LPL: variants seen among roughly 807,000 people sequenced by gnomAD.
The protein encoded by LPL is phospholipase A1.
Under a neutral mutation model 52.2 loss-of-function variants are expected in LPL, and 43 were observed. That is an observed-to-expected ratio of 0.82 (90% CI 0.64 to 1.06). The LOEUF (loss-of-function observed/expected upper bound fraction) is 1.06. Among genes scored for constraint, LPL ranks in the 50% least tolerant of loss-of-function variants. The pLI, the probability that LPL is intolerant of heterozygous loss-of-function variation, is 0.00. For missense variants in LPL, 639 were observed against 585.3 expected (o/e 1.09, Z -0.95); for synonymous variants, 244 against 215.6 (o/e 1.13, Z -1.15).
intron 1 of LPL, among the ~76,000 whole-genome samples, chr8:19,940,028 G>C (rs2069818489): frequency 6.6e-6 from 1 of 152,192 alleles, no homozygotes; most frequent in Non-Finnish European, 1.5e-5. Flanking sequence ...TGGGGAAGCC[G>C]GGGCGCGGGG....
intron 9 of LPL, among the ~76,000 whole-genome samples, chr8:19,964,583 G>GT (rs2070069150): frequency 6.6e-6 from 1 of 152,148 alleles, no homozygotes; most frequent in South Asian, 2.1e-4. Flanking sequence ...AGGCTAGAAT[G>GT]TGGTGGCGTG....
rs1372917390 is a variant in LPL at position 19,950,064 on chromosome 8, C to T, written c.250-1705C>T. On this transcript the variant is annotated intron_variant, in intron 2 of 9. Coordinates refer to ENST00000650287, the MANE Select transcript of LPL (RefSeq NM_000237.3). This position sits in a 1 kb window ranked among gnomAD's most constrained non-coding sequence, Gnocchi z 4.2. ...TCACTAAGCCCACCTGTATCTTTCA[C>T]ATCATGTGTCCTGACATTTTGAGTG... is the stretch of plus-strand genomic sequence containing the variant. Among the ~76,000 whole-genome samples the T allele has an allele frequency of 6.6e-6, 1 of 152,210 alleles. No individual in the cohort carries two copies. Among genetic ancestry groups the T allele is most frequent in the East Asian group, 1.9e-4 (1 of 5,186 alleles).
intron 6 of LPL, among the ~76,000 whole-genome samples, chr8:19,956,544 T>C (rs2069987699): frequency 6.6e-6 from 1 of 152,218 alleles, no homozygotes; most frequent in South Asian, 2.1e-4. Context: ...TTGTCCAGAA[T>C]ATTCCATCAC....
Position 19,966,858 on chromosome 8 carries a change from G to C in LPL, c.*1548G>C, listed in dbSNP as rs998824255. ...AAAATAAAATGATGTATGATTTGTTGTTGGCATCCCCTTTATTAATTCATT... is the reference window on the plus strand; with the variant it reads ...AAAATAAAATGATGTATGATTTGTTCTTGGCATCCCCTTTATTAATTCATT... On this transcript the variant is annotated 3_prime_UTR_variant, in exon 10 of 10. Transcript: ENST00000650287. The C allele has an allele frequency of 1.3e-5, 2 of 152,418 alleles. No individual in the cohort carries two copies. Among genetic ancestry groups the C allele is most frequent in the African/African-American group, 4.8e-5 (2 of 41,436 alleles). The allele number at this position is 152,418 out of a possible 1,614,324, so 9.4% of individuals were successfully genotyped here. A position where few individuals can be genotyped will look rare whatever the true frequency, so the allele number is the denominator to read the frequency against.
intron 9 of LPL, among the ~76,000 whole-genome samples, chr8:19,962,700 C>T (rs1313734133): frequency 6.6e-6 from 1 of 152,176 alleles, no homozygotes; most frequent in Non-Finnish European, 1.5e-5. Flanking sequence ...CAGCATACTC[C>T]GGGACACACA....
At chr8:19,941,767 C>T (rs902634466) in intron 1 of LPL, among the ~76,000 whole-genome samples, 10 of 152,106 alleles carry the variant, frequency 6.6e-5, no homozygotes, top group African/African-American at 1.9e-4. Context: ...AAGATGTCAC[C>T]GTGGTAGAAA....
In LPL at chr8:19,955,903, T is replaced by C. The variant is rs1590144457; in HGVS notation, c.838T>C (p.Leu280=). ...CATTCATCTCTTCATCGACTCTCTG[T>C]TGAATGAAGAAAATCCAAGTAAGGC... The part of the protein sequence containing the change: ...RSIHLFIDSL[L]NEENPSKAYR... The change falls in exon 6 of 10, where the codon TTG becomes CTG. Residue 280 remains leucine, a synonymous_variant. Coordinates refer to ENST00000650287, the MANE Select transcript of LPL (RefSeq NM_000237.3). 8 of 1,614,146 alleles carry C rather than the reference T, an allele frequency of 5.0e-6. No homozygotes were observed. Among genetic ancestry groups the C allele is most frequent in the Non-Finnish European group, 5.9e-6 (7 of 1,180,002 alleles).
chr8:19,959,338 T>C lies in LPL; in HGVS notation c.1097T>C (p.Leu366Pro), dbSNP rs904610082. 2 of 1,614,206 alleles carry C rather than the reference T, an allele frequency of 1.2e-6. No homozygotes were observed. Among genetic ancestry groups the C allele is most frequent in the South Asian group, 1.1e-5 (1 of 91,088 alleles). ...ACCAATCAGGCCTTTGAGATTTCTC[T>C]GTATGGCACCGTGGCCGAGAGTGAG... ...THTNQAFEIS[L>P]YGTVAESENI... Residue 366 changes from leucine to proline, a missense_variant, in exon 7 of 10, where the codon CTG becomes CCG. Leu to Pro is a moderately conservative substitution (Grantham distance 98). Transcript: ENST00000650287.
rs187879949 is a variant in LPL, at chr8:19,942,349, A to G, written c.88+2821A>G. On this transcript the variant is annotated intron_variant, in intron 1 of 9. Transcript: ENST00000650287. ...ATATGAAGATGTTCCAGCCATCAAA[A>G]TGATGGTTGGTGATGATTTTGGATC... Among the ~76,000 whole-genome samples the G allele has an allele frequency of 5.3e-5, 8 of 152,324 alleles. No homozygotes were observed. In the East Asian group the frequency reaches 1.5e-3, roughly 29 times the overall value.
rs758248912 is a variant in LPL at position 19,962,234 on chromosome 8, C to T, written c.1427+15C>T. Reference sequence around the variant, plus strand: ...AAGTCAGGCTGGTGAGCATTCTGGGCTAAAGCTGACTGGGCATCCTGAGCT... The same window carrying T: ...AAGTCAGGCTGGTGAGCATTCTGGGTTAAAGCTGACTGGGCATCCTGAGCT... On this transcript the variant is annotated intron_variant, in intron 9 of 9. Coordinates refer to ENST00000650287, the MANE Select transcript of LPL (RefSeq NM_000237.3). 3 of 1,597,296 alleles carry T rather than the reference C, an allele frequency of 1.9e-6. No homozygotes were observed. The highest frequency in any genetic ancestry group is 2.6e-6 in the Non-Finnish European group (3 of 1,164,880).
chr8:19,940,187 G>C (rs930497652), intron 1 of LPL, among the ~76,000 whole-genome samples: 3 of 152,224 alleles, frequency 2.0e-5, no homozygotes, highest in Non-Finnish European at 4.4e-5. Context: ...GCTCTGGGGA[G>C]CCCCGGACTC....
rs1590140391 is a variant in LPL at position 19,950,030 on chromosome 8, C to T, written c.249+1690C>T. Among the ~76,000 whole-genome samples, 1 of 152,174 alleles carries T rather than the reference C, an allele frequency of 6.6e-6. No homozygotes were observed. Among genetic ancestry groups the T allele is most frequent in the African/African-American group, 2.4e-5 (1 of 41,440 alleles). ...GACGGTGCCACTTCCTATCATTGGT[C>T]CTACTGCCTCACTAAGCCCACCTGT... On this transcript the variant is annotated intron_variant, in intron 2 of 9. Coordinates refer to ENST00000650287, the MANE Select transcript of LPL (RefSeq NM_000237.3). The surrounding 1 kb of genome is among the most constrained non-coding windows in gnomAD (Gnocchi z 4.2).
rs1801177 is a variant in LPL at position 19,948,197 on chromosome 8, G to C, written c.106G>C (p.Asp36His). 32 of 1,613,800 alleles carry C rather than the reference G, an allele frequency of 2.0e-5. No individual in the cohort carries two copies. The highest frequency in any genetic ancestry group is 2.4e-5 in the Non-Finnish European group (28 of 1,179,982). ...CTTTCCAGAAAGAAGAGATTTTATCGACATCGAAAGTAAATTTGCCCTAAG... is the reference window on the plus strand; with the variant it reads ...CTTTCCAGAAAGAAGAGATTTTATCCACATCGAAAGTAAATTTGCCCTAAG... Reference protein sequence around the residue: ...AAADQRRDFIDIESKFALRTP... With the variant: ...AAADQRRDFIHIESKFALRTP... Residue 36 changes from aspartate to histidine, a missense_variant, in exon 2 of 10, where the codon GAC becomes CAC. Asp to His is a moderately conservative substitution (Grantham distance 81). Transcript: ENST00000650287.
Position 19,965,758 on chromosome 8 carries a change from C to A in LPL, c.*448C>A, listed in dbSNP as rs191212278. 3 of 155,178 alleles carry A rather than the reference C, an allele frequency of 1.9e-5. No homozygotes were observed. The highest frequency in any genetic ancestry group is 2.8e-5 in the Non-Finnish European group (2 of 70,500). 9.6% of individuals were successfully genotyped at this position (155,178 alleles called of 1,614,324 possible). On this transcript the variant is annotated 3_prime_UTR_variant, in exon 10 of 10. Coordinates refer to ENST00000650287, the MANE Select transcript of LPL (RefSeq NM_000237.3). ...TCCAAGAATACAGAAAATGCTTTTC[C>A]GCGGCACGAATCAGACTCATCTACA...
chr8:19,954,349 T>C lies in LPL; in HGVS notation c.771T>C (p.Leu257=). The part of the protein sequence containing the change: ...EAIRVIAERG[L]GDVDQLVKCS... Reference sequence around the variant, plus strand: ...TCCGCGTGATTGCAGAGAGAGGACTTGGAGGTAAATATTATTTAGAAGCGA... The same window carrying C: ...TCCGCGTGATTGCAGAGAGAGGACTCGGAGGTAAATATTATTTAGAAGCGA... The change falls in exon 5 of 10, where the codon CTT becomes CTC. Residue 257 remains leucine, a synonymous_variant. Coordinates refer to ENST00000650287, the MANE Select transcript of LPL (RefSeq NM_000237.3). The C allele has an allele frequency of 6.2e-7, 1 of 1,612,900 alleles. No individual in the cohort carries two copies. The highest frequency in any genetic ancestry group is 1.1e-5 in the South Asian group (1 of 91,064).
In LPL at chr8:19,939,513, G is replaced by C; in HGVS notation, c.73G>C (p.Val25Leu). Reference sequence around the variant, plus strand: ...GAGTCTGACCGCCTCCCGCGGAGGGGTGGCCGCCGCCGACCGTAAGTTTTG... The same window carrying C: ...GAGTCTGACCGCCTCCCGCGGAGGGCTGGCCGCCGCCGACCGTAAGTTTTG... ...LQSLTASRGGVAAADQRRDFI... is the reference protein window; with the variant it reads ...LQSLTASRGGLAAADQRRDFI... The change falls in exon 1 of 10, where the codon GTG becomes CTG. Residue 25 changes from valine (V) to leucine (L), a missense_variant. Transcript: ENST00000650287. The surrounding 1 kb of genome is among the most constrained non-coding windows in gnomAD (Gnocchi z 4.0). The C allele has an allele frequency of 6.2e-7, 1 of 1,608,952 alleles. No homozygotes were observed. The highest frequency in any genetic ancestry group is 8.5e-7 in the Non-Finnish European group (1 of 1,178,386).
At chr8:19,951,188 T>A (rs2069931220) in intron 2 of LPL, among the ~76,000 whole-genome samples, 1 of 152,266 alleles carries the variant, frequency 6.6e-6, no homozygotes, top group Admixed American at 6.5e-5. Flanking sequence ...ATCTTGGAGC[T>A]TTGCCACTTG....
In LPL at chr8:19,939,259, C is replaced by G. The variant is rs2069806978; in HGVS notation, c.-182C>G. On this transcript the variant is annotated 5_prime_UTR_variant, in exon 1 of 10. Transcript: ENST00000650287. This position sits in a 1 kb window ranked among gnomAD's most constrained non-coding sequence, Gnocchi z 4.0. Reference sequence around the variant, plus strand: ...GCCTTGGCGTGAAAACAGTGTCAGACTCGATTCCCCCTCTTCCTCCTCCTC... The same window carrying G: ...GCCTTGGCGTGAAAACAGTGTCAGAGTCGATTCCCCCTCTTCCTCCTCCTC... 1 of 613,426 alleles carries G rather than the reference C, an allele frequency of 1.6e-6. No individual in the cohort carries two copies. Among genetic ancestry groups the G allele is most frequent in the Non-Finnish European group, 2.9e-6 (1 of 343,026 alleles). The allele number at this position is 613,426 out of a possible 1,614,324, so 38.0% of individuals were successfully genotyped here.
At chr8:19,949,868 C>T (rs570912016) in intron 2 of LPL, among the ~76,000 whole-genome samples, 1 of 152,168 alleles carries the variant, frequency 6.6e-6, no homozygotes, top group African/African-American at 2.4e-5. Flanking sequence ...TTAATAAACG[C>T]ATTTATACAA....
Sources: allele counts gnomAD v4.1 joint callset (sites outside exome capture counted in the v4.1 genomes callset), GRCh38; gene constraint gnomAD v4.1.1; non-coding constraint Gnocchi (gnomAD v3.1); transcripts MANE v1.5; gene names NCBI Gene and HGNC (gene_info 2026-07-23, HGNC 2026-07-21).